MYCBP2: variants seen among roughly 807,000 people sequenced by gnomAD.
MYCBP2 encodes MYC binding protein 2.
In MYCBP2, 120 loss-of-function variants were observed where a neutral mutation model predicts 525.3. The ratio of observed to expected loss-of-function variants is 0.23; its 90% CI spans 0.20 to 0.27. The LOEUF (loss-of-function observed/expected upper bound fraction) is 0.27. Among genes scored for constraint, MYCBP2 ranks in the 10% least tolerant of loss-of-function variants. MYCBP2 has a pLI of 1.00. For missense variants in MYCBP2, 4,149 were observed against 5,657.1 expected (o/e 0.73, Z 8.55); for synonymous variants, 1,894 against 1,955.8 (o/e 0.97, Z 0.83).
At chr13:77,071,618 A>G (rs766030221) in intron 68 of MYCBP2, among the ~76,000 whole-genome samples, 4 of 152,200 alleles carry the variant, frequency 2.6e-5, no homozygotes, top group Non-Finnish European at 5.9e-5. Context: ...CTCTTCTTTC[A>G]GTACTTAACA....
intron 18 of MYCBP2, among the ~76,000 whole-genome samples, chr13:77,231,668 C>T (rs918303344): frequency 6.6e-6 from 1 of 152,158 alleles, no homozygotes; most frequent in African/African-American, 2.4e-5. Flanking sequence ...GATACTTGTC[C>T]ATGAGATACT....
chr13:77,202,215 A>T (rs1165229219), intron 26 of MYCBP2, among the ~76,000 whole-genome samples: 2 of 152,238 alleles, frequency 1.3e-5, no homozygotes, highest in African/African-American at 4.8e-5. Flanking sequence ...GGATATCATC[A>T]CCGATCCCAC....
At chr13:77,061,142 G>T (rs901934039) in intron 76 of MYCBP2, 27 bp downstream of exon 76, 2 of 1,584,806 alleles carry the variant, frequency 1.3e-6, no homozygotes, top group Non-Finnish European at 1.7e-6. Flanking sequence ...GGTTTTAAAG[G>T]CATGGCTCAA....
At position 77,294,104 on chromosome 13, in the gene MYCBP2, C is replaced by CTATATATATGTATATA. The variant is rs2077778967; in HGVS notation, c.378+2494_378+2495insTATATACATATATATA. ...GATAGCCATAAAGTAGATATAATGG[C>CTATATATATGTATATA]TATATATATATATATATATATATAT... On this transcript the variant is annotated intron_variant, in intron 2 of 82. Transcript: ENST00000544440. Among the ~76,000 whole-genome samples, 15 of 41,910 alleles carry CTATATATATGTATATA rather than the reference C, an allele frequency of 3.6e-4. No homozygotes were observed. In the Admixed American group the frequency reaches 3.6e-3, roughly 10 times the overall value. The allele number at this position is 41,910 out of a possible 152,430, so 27.5% of individuals were successfully genotyped here.
At chr13:77,061,522 G>T in intron 75 of MYCBP2, 140 bp downstream of exon 75, 3 of 1,022,378 alleles carry the variant, frequency 2.9e-6, no homozygotes, top group Non-Finnish European at 4.1e-6. Context: ...TTTATAGATG[G>T]TAAGCGAGAC....
chr13:77,185,783 G>T, intron 31 of MYCBP2, 88 bp downstream of exon 31: 1 of 940,920 alleles, frequency 1.1e-6, no homozygotes. Context: ...GCAGCTGGGG[G>T]GCATAAACTC....
At chr13:77,089,958 C>CAT in intron 60 of MYCBP2, 148 bp downstream of exon 60, 2 of 631,912 alleles carry the variant, frequency 3.2e-6, no homozygotes, top group Non-Finnish European at 5.0e-6. Flanking sequence ...ATAGCTATGT[C>CAT]ATATAGAAGG....
At chr13:77,160,378 GC>G (rs1428454439) in intron 44 of MYCBP2, among the ~76,000 whole-genome samples, 1 of 152,202 alleles carries the variant, frequency 6.6e-6, no homozygotes, top group Non-Finnish European at 1.5e-5. Flanking sequence ...TCATTGGGTT[GC>G]TGTGGGGAGT....
At chr13:77,103,889 C>G (rs189831029) in intron 55 of MYCBP2, among the ~76,000 whole-genome samples, 19 of 152,092 alleles carry the variant, frequency 1.2e-4, no homozygotes, top group Middle Eastern at 3.4e-3. Context: ...GTAGATCCTA[C>G]TTCTGATATC....
At position 77,098,204 on chromosome 13, in the gene MYCBP2, C is replaced by T. The variant is rs764323602; in HGVS notation, c.8950G>A (p.Ala2984Thr). ...APLKDEQEMR[A>T]SPKISRKCAN... Reference sequence around the variant, plus strand: ...CATTTTCGACTTATTTTGGGAGATGCTCTCATTTCCTGTTCATCTTTCAGT... The same window carrying T: ...CATTTTCGACTTATTTTGGGAGATGTTCTCATTTCCTGTTCATCTTTCAGT... The change falls in exon 56 of 83, where the codon GCA becomes ACA. Residue 2984 changes from alanine (A) to threonine (T), a missense_variant. By Grantham distance (58) the Ala-to-Thr change is moderately conservative (BLOSUM62 0). Transcript: ENST00000544440. 1.2e-6 allele frequency: 2 copies of T among 1,613,482 alleles called. No individual in the cohort carries two copies. The highest frequency in any genetic ancestry group is 1.1e-5 in the South Asian group (1 of 91,078).
chr13:77,291,069 T>A (rs551848833), intron 2 of MYCBP2, among the ~76,000 whole-genome samples: 1 of 152,114 alleles, frequency 6.6e-6, no homozygotes, highest in Non-Finnish European at 1.5e-5. Context: ...AAATTCAATA[T>A]CATTAAAATG....
intron 45 of MYCBP2, among the ~76,000 whole-genome samples, chr13:77,157,044 G>T (rs1384536240): frequency 6.6e-6 from 1 of 151,766 alleles, no homozygotes; most frequent in African/African-American, 2.4e-5. Context: ...AAAACAAAAA[G>T]CAACAAAAAT....
chr13:77,287,062 T>C (rs867861088), intron 3 of MYCBP2, among the ~76,000 whole-genome samples: 2 of 150,064 alleles, frequency 1.3e-5, no homozygotes, highest in African/African-American at 2.5e-5. Context: ...GTTTTTTTTG[T>C]GTTTTTAGTA....
Position 77,273,511 on chromosome 13 carries a change from G to C in MYCBP2, c.906C>G (p.Ile302Met). 6.2e-7 allele frequency: 1 copy of C among 1,609,672 alleles called. No homozygotes were observed. The highest frequency in any genetic ancestry group is 2.2e-5 in the East Asian group (1 of 44,812). ...AAGCATGGCTTCCATTGTTGGTGAGGATAGCAGAGATGGCCTGAAGTGTCC... is the reference window on the plus strand; with the variant it reads ...AAGCATGGCTTCCATTGTTGGTGAGCATAGCAGAGATGGCCTGAAGTGTCC... ...TGRTLQAISA[I>M]LTNNGSHACQ... The change falls in exon 5 of 83, where the codon ATC becomes ATG. Residue 302 changes from isoleucine to methionine, a missense_variant. Ile to Met is a conservative substitution (Grantham distance 10, BLOSUM62 1). This residue lies in a region of MYCBP2 where 413 missense variants were observed against 451.2 expected (regional missense o/e 0.92). Coordinates refer to ENST00000544440, the MANE Select transcript of MYCBP2 (RefSeq NM_015057.5).
Position 77,288,190 on chromosome 13 carries a change from A to C in MYCBP2, c.565T>G (p.Ser189Ala), listed in dbSNP as rs756004392. The change falls in exon 3 of 83, where the codon TCC becomes GCC. Residue 189 changes from serine (S) to alanine (A), a missense_variant. This residue lies in a region of MYCBP2 where 413 missense variants were observed against 451.2 expected (regional missense o/e 0.92). Transcript: ENST00000544440. ...GESDSDEEEE[S>A]KEPPIKLPKI... ...GGAAGCTTGATAGGGGGCTCTTTGG[A>C]TTCCTCTTCTTCATCACTATCTGAT... 3 of 1,614,082 alleles carry C rather than the reference A, an allele frequency of 1.9e-6. No homozygotes were observed. In the South Asian group the frequency reaches 3.3e-5, roughly 18 times the overall value.
chr13:77,074,678 AAAAG>A (rs1406296627), intron 68 of MYCBP2, among the ~76,000 whole-genome samples: 1 of 152,222 alleles, frequency 6.6e-6, no homozygotes, highest in Non-Finnish European at 1.5e-5. Flanking sequence ...CTCAGCAACC[AAAAG>A]AATGAACCAT....
intron 44 of MYCBP2, among the ~76,000 whole-genome samples, chr13:77,161,290 C>G (rs73543867): frequency 6.6e-6 from 1 of 152,162 alleles, no homozygotes; most frequent in East Asian, 1.9e-4. Context: ...GTTGACGTAA[C>G]AGATCCAAAG....
chr13:77,146,364 A>C, intron 47 of MYCBP2, 147 bp from the exon 48 acceptor site: 1 of 405,176 alleles, frequency 2.5e-6, no homozygotes. Context: ...ACTTTAGACC[A>C]TTTATTAAAG....
intron 15 of MYCBP2, among the ~76,000 whole-genome samples, chr13:77,246,664 G>C (rs1181902289): frequency 1.3e-5 from 2 of 149,130 alleles, no homozygotes; most frequent in African/African-American, 4.9e-5. Context: ...GAGAGGGGCA[G>C]GGGGAGGCAA....
Sources: gnomAD v4.1 joint callset for allele counts (sites outside exome capture counted in the v4.1 genomes callset) on GRCh38, gnomAD v4.1.1 for gene constraint, gnomAD v4.1.1 regional missense constraint, MANE v1.5 for transcripts, NCBI Gene and HGNC (gene_info 2026-07-23, HGNC 2026-07-21) for gene names.